The following RMDN2 variants were observed in gnomAD, a reference collection of about 807,000 sequenced individuals.
RMDN2 encodes regulator of microtubule dynamics 2, also known as regulator of microtubule dynamics protein 2.
RMDN2 carries 61 observed loss-of-function variants against 52.8 expected under a neutral mutation model. That is an observed-to-expected ratio of 1.16 (90% CI 0.94 to 1.43). RMDN2 has a LOEUF of 1.43. Among genes scored for constraint, RMDN2 ranks in the 40% most tolerant of loss-of-function variants. The probability of loss-of-function intolerance (pLI) is 0.00; values close to 1 mark genes in which losing one functional copy is unlikely to be tolerated. For synonymous variants in RMDN2, 180 were observed against 153.1 expected (o/e 1.18, Z -1.30); for missense variants, 592 against 475.3 (o/e 1.25, Z -2.28).
intron 8 of RMDN2, among the ~76,000 whole-genome samples, chr2:38,003,546 TGATA>T (rs57530338): frequency 0.081 from 10,745 of 132,306 alleles, 499 homozygotes; most frequent in African/African-American, 0.12. Flanking sequence ...AAGCAAGACC[TGATA>T]GATAGATAGA....
chr2:37,979,237 G>C (rs1427022637), intron 4 of RMDN2, among the ~76,000 whole-genome samples: 3 of 152,174 alleles, frequency 2.0e-5, no homozygotes. Context: ...GAGGGAAGGG[G>C]AGGAGGGAGA....
At chr2:37,991,436 T>C in intron 7 of RMDN2, 139 bp downstream of exon 7, 1 of 332,304 alleles carries the variant, frequency 3.0e-6, no homozygotes, top group Non-Finnish European at 5.4e-6. Flanking sequence ...TTTATTTTAA[T>C]GTATAATATA....
chr2:37,997,842 C>T (rs1359322571), intron 8 of RMDN2: 1 of 239,800 alleles, frequency 4.2e-6, no homozygotes, highest in Non-Finnish European at 8.0e-6. Flanking sequence ...TGTGCAGAAA[C>T]AGTCACGCCC....
chr2:38,036,975 A>G lies in RMDN2; in HGVS notation c.1714-30007A>G, dbSNP rs528372907. On this transcript the variant is annotated intron_variant, in intron 10 of 10. Coordinates refer to the RMDN2 transcript ENST00000234195. ...GGGAAAAGAGTAGGTAGGGATCAAG[A>G]GCAAAGAACATGGGAAAATGTGCTG... Among the ~76,000 whole-genome samples, 16 of 152,286 alleles carry G rather than the reference A, an allele frequency of 1.1e-4. No homozygotes were observed. The East Asian group carries it at 2.9e-3, about 28-fold the overall frequency.
At chr2:37,982,167 A>G (rs978465093) in intron 5 of RMDN2, among the ~76,000 whole-genome samples, 1 of 152,102 alleles carries the variant, frequency 6.6e-6, no homozygotes, top group Non-Finnish European at 1.5e-5. Context: ...CTCTCTTAAA[A>G]TGACTCCCTT....
rs372335685 is a variant in RMDN2 at position 38,030,630 on chromosome 2, A to T, written c.1713+26414A>T. ...GGCTTTACATGGATTTTTATTAAAC[A>T]TTTAATTTTTCAAACTGTTACCACA... On this transcript the variant is annotated intron_variant, in intron 10 of 10. Transcript: ENST00000234195. 5.9e-5 allele frequency: 9 copies of T among 152,362 alleles called. No homozygotes were observed. In the East Asian group the frequency reaches 1.7e-3, roughly 29 times the overall value. 9.4% of individuals were successfully genotyped at this position (152,362 alleles called of 1,614,324 possible). A position where few individuals can be genotyped will look rare whatever the true frequency, so the allele number is the denominator to read the frequency against.
chr2:37,941,029 T>G (rs1667740236), intron 2 of RMDN2, among the ~76,000 whole-genome samples: 1 of 152,232 alleles, frequency 6.6e-6, no homozygotes, highest in Non-Finnish European at 1.5e-5. Context: ...CTTCGTGTAT[T>G]TATTTACCTT....
At chr2:38,022,889 G>A (rs911433596) in intron 10 of RMDN2, among the ~76,000 whole-genome samples, 6 of 152,182 alleles carry the variant, frequency 3.9e-5, no homozygotes, top group African/African-American at 1.4e-4. Flanking sequence ...ATGTGTAAGT[G>A]ACAGGGTCGG....
intron 10 of RMDN2, among the ~76,000 whole-genome samples, chr2:38,045,149 C>T (rs574459700): frequency 6.6e-6 from 1 of 152,192 alleles, no homozygotes; most frequent in Non-Finnish European, 1.5e-5. Context: ...TTTGAAAGTG[C>T]AATAGAAAAT....
In RMDN2 at chr2:37,929,256, T is replaced by C. The variant is rs1666528393; in HGVS notation, c.-16-6T>C. ...CATTCATTTACATTTATGTTTTTAA[T>C]TTTAGAAACGAAAACCAAGAAATGC... On this transcript the variant is annotated splice_region_variant and splice_polypyrimidine_tract_variant and intron_variant, in intron 1 of 10. Coordinates refer to ENST00000354545, the MANE Select transcript of RMDN2 (RefSeq NM_001170791.3). 6.9e-7 allele frequency: 1 copy of C among 1,450,900 alleles called. No individual in the cohort carries two copies. The allele number at this position is 1,450,900 out of a possible 1,614,324, so 89.9% of individuals were successfully genotyped here.
rs368373132 is a variant in RMDN2, at chr2:37,985,875, T to C, written c.792-3666T>C. Among the ~76,000 whole-genome samples the C allele has an allele frequency of 2.3e-4, 35 of 152,284 alleles. No individual in the cohort carries two copies. In the South Asian group the frequency reaches 7.2e-3, roughly 32 times the overall value. On this transcript the variant is annotated intron_variant, in intron 5 of 10. Transcript: ENST00000354545. ...AGAAATTTGAATAAAATATAGATTT[T>C]AGTTAATAGTGTATTAATATTGGTT...
chr2:38,027,866 C>T (rs985192498), intron 10 of RMDN2, among the ~76,000 whole-genome samples: 1 of 152,166 alleles, frequency 6.6e-6, no homozygotes, highest in Admixed American at 6.5e-5. Context: ...AATAGCTAAG[C>T]CCTAATTGGA....
intron 10 of RMDN2, among the ~76,000 whole-genome samples, chr2:38,055,673 A>G (rs1418623373): frequency 6.6e-6 from 1 of 152,140 alleles, no homozygotes; most frequent in East Asian, 1.9e-4. Flanking sequence ...CAGACACAAT[A>G]GCATTCGACA....
intron 10 of RMDN2, among the ~76,000 whole-genome samples, chr2:38,025,700 C>G (rs544882981): frequency 6.6e-6 from 1 of 151,896 alleles, no homozygotes; most frequent in Non-Finnish European, 1.5e-5. Flanking sequence ...TTTTGTCACA[C>G]TTGTGTTCAT....
chr2:38,067,087 C>A, exon 11 of RMDN2: 2 of 1,199,196 alleles, frequency 1.7e-6, no homozygotes, highest in South Asian at 1.2e-5. Context: ...CCTGTGAAGT[C>A]AAGTATTTTT....
rs58747940 is a variant in RMDN2 at position 37,986,378 on chromosome 2, A to C, written c.792-3163A>C. Among the ~76,000 whole-genome samples, 422 of 152,310 alleles carry C rather than the reference A, an allele frequency of 2.8e-3. 1 individual carries two copies. Among genetic ancestry groups the C allele is most frequent in the African/African-American group, 9.4e-3 (391 of 41,568 alleles). ...CATTGGTAAATTCTACCAAATACTT[A>C]AGGAGAAAATTATACCAATTACATA... On this transcript the variant is annotated intron_variant, in intron 5 of 10. Transcript: ENST00000354545.
At chr2:37,994,709 G>A (rs1037756568) in intron 7 of RMDN2, among the ~76,000 whole-genome samples, 4 of 152,126 alleles carry the variant, frequency 2.6e-5, no homozygotes, top group East Asian at 1.9e-4. Flanking sequence ...AAGTACCAGC[G>A]AGGATATAGA....
At chr2:37,945,024 G>A (rs571936461) in intron 2 of RMDN2, among the ~76,000 whole-genome samples, 42 of 152,234 alleles carry the variant, frequency 2.8e-4, no homozygotes, top group African/African-American at 9.6e-4. Flanking sequence ...GGATAACGTC[G>A]AAGAAAGAAT....
At chr2:37,932,961 C>G (rs1407489474) in intron 2 of RMDN2, among the ~76,000 whole-genome samples, 1 of 150,482 alleles carries the variant, frequency 6.6e-6, no homozygotes. Context: ...CGGGCGGAGA[C>G]GCTCCTCACT....
Sources: gnomAD v4.1 joint callset for allele counts (sites outside exome capture counted in the v4.1 genomes callset) on GRCh38, gnomAD v4.1.1 for gene constraint, MANE v1.5 for transcripts, NCBI Gene and HGNC (gene_info 2026-07-23, HGNC 2026-07-21) for gene names.